The following TDP1 variants were observed in gnomAD, a reference collection of about 807,000 sequenced individuals.
TDP1 encodes tyr-DNA phosphodiesterase 1.
TDP1 carries 64 observed loss-of-function variants against 81.5 expected under a neutral mutation model. The ratio of observed to expected loss-of-function variants is 0.79; its 90% CI spans 0.64 to 0.97. The LOEUF is 0.97. Ranked by LOEUF, TDP1 falls within the 50% of genes least tolerant of loss-of-function variation. The pLI is 0.00. For synonymous variants in TDP1, 256 were observed against 264.3 expected (o/e 0.97, Z 0.30); for missense variants, 723 against 743.8 (o/e 0.97, Z 0.33).
intron 6 of TDP1, among the ~76,000 whole-genome samples, chr14:89,971,991 G>A (rs1036646240): frequency 1.3e-5 from 2 of 152,138 alleles, no homozygotes; most frequent in South Asian, 2.1e-4. Flanking sequence ...AACTATGTGA[G>A]TCGTATGCTG....
At chr14:89,976,230 C>T (rs902863099) in intron 7 of TDP1, among the ~76,000 whole-genome samples, 5 of 151,852 alleles carry the variant, frequency 3.3e-5, no homozygotes, top group Admixed American at 6.6e-5. Flanking sequence ...CTCAGCCTCC[C>T]GAGCAGCTGG....
intron 16 of TDP1, among the ~76,000 whole-genome samples, chr14:90,033,945 T>TAAC (rs578235991): frequency 6.6e-6 from 1 of 152,218 alleles, no homozygotes; most frequent in South Asian, 2.1e-4. Flanking sequence ...ATCATGCCTG[T>TAAC]AGTTCCAACT....
chr14:89,967,373 T>C lies in TDP1; in HGVS notation c.610T>C (p.Tyr204His), dbSNP rs757884742. The C allele has an allele frequency of 1.2e-6, 2 of 1,613,970 alleles. No homozygotes were observed. Among genetic ancestry groups the C allele is most frequent in the African/African-American group, 2.7e-5 (2 of 74,936 alleles). Residue 204 changes from tyrosine (Y) to histidine (H), a missense_variant, in exon 5 of 17, where the codon TAC becomes CAC. Transcript: ENST00000335725. ...GTLVSSAQFN[Y>H]CFDVDWLVKQ... Reference sequence around the variant, plus strand: ...CTTCTTTTCTCCCATCTAGTTTAACTACTGCTTTGACGTGGACTGGCTCGT... The same window carrying C: ...CTTCTTTTCTCCCATCTAGTTTAACCACTGCTTTGACGTGGACTGGCTCGT...
intron 14 of TDP1, among the ~76,000 whole-genome samples, chr14:90,006,659 C>T: frequency 6.6e-6 from 1 of 152,128 alleles, no homozygotes; most frequent in East Asian, 1.9e-4. Flanking sequence ...GCCTCAGCCT[C>T]CCAAGTAGCT....
chr14:90,039,818 T>C (rs1888184927), intron 16 of TDP1, among the ~76,000 whole-genome samples: 1 of 152,168 alleles, frequency 6.6e-6, no homozygotes, highest in African/African-American at 2.4e-5. Flanking sequence ...ATATGAGCAC[T>C]TGACATGAAT....
At chr14:90,032,636 A>G (rs1002793495) in intron 15 of TDP1, 1 of 662,154 alleles carries the variant, frequency 1.5e-6, no homozygotes, top group Non-Finnish European at 1.9e-6. Flanking sequence ...AAGAATTTTC[A>G]TTTTTATACT....
At chr14:90,004,711 C>T (rs918854226) in intron 14 of TDP1, among the ~76,000 whole-genome samples, 2 of 152,160 alleles carry the variant, frequency 1.3e-5, no homozygotes, top group Non-Finnish European at 2.9e-5. Context: ...TTGATGTAGA[C>T]CTATCGTCTC....
chr14:89,993,213 G>A (rs778466738), intron 13 of TDP1, 163 bp from the exon 14 acceptor site: 1 of 923,568 alleles, frequency 1.1e-6, no homozygotes, highest in Non-Finnish European at 1.3e-6. Context: ...AAATGGGCAT[G>A]CGTTACTTGA....
rs193000537 is a variant in TDP1, at chr14:89,972,133, C to G, written c.756+862C>G. 2.6e-3 allele frequency among the ~76,000 whole-genome samples: 398 copies of G among 152,274 alleles called. 2 individuals are homozygous for G. The highest frequency in any genetic ancestry group is 7.0e-3 in the South Asian group (34 of 4,824). ...GTTCTTGCACCGCTATGAAGACATACCTGAGACTGGGTAATTTATAAAGAA... is the reference window on the plus strand; with the variant it reads ...GTTCTTGCACCGCTATGAAGACATAGCTGAGACTGGGTAATTTATAAAGAA... On this transcript the variant is annotated intron_variant, in intron 6 of 16. Transcript: ENST00000335725.
chr14:89,988,588 A>G (rs878863626), intron 10 of TDP1: 3 of 981,318 alleles, frequency 3.1e-6, no homozygotes, highest in Non-Finnish European at 3.6e-6. Context: ...ATCTAATTTC[A>G]TATGACAAGT....
chr14:89,988,328 C>A (rs1306453957), intron 10 of TDP1, among the ~76,000 whole-genome samples: 3 of 152,272 alleles, frequency 2.0e-5, no homozygotes, highest in Non-Finnish European at 2.9e-5. Context: ...CCCCTCCTAT[C>A]CCTGGAGGAT....
At chr14:89,998,741 G>A (rs910094788) in intron 14 of TDP1, among the ~76,000 whole-genome samples, 4 of 151,864 alleles carry the variant, frequency 2.6e-5, no homozygotes, top group South Asian at 2.1e-4. Context: ...TGAGGGACGC[G>A]GGGTGGGGAG....
At chr14:89,965,262 T>C (rs1892801423) in intron 3 of TDP1, among the ~76,000 whole-genome samples, 1 of 147,278 alleles carries the variant, frequency 6.8e-6, no homozygotes, top group South Asian at 2.1e-4. Flanking sequence ...GCCAAATGAA[T>C]GAGCCAGTCT....
intron 16 of TDP1, chr14:90,033,539 G>A (rs1049194432): frequency 1.7e-5 from 6 of 359,066 alleles, no homozygotes; most frequent in Non-Finnish European, 3.3e-5. Context: ...GCTTAGTCTA[G>A]CCTACCCTAA....
upstream of TDP1, chr14:89,955,829 G>A (rs1279105084): frequency 6.6e-6 from 1 of 152,558 alleles, no homozygotes; most frequent in East Asian, 1.9e-4. Flanking sequence ...CGGGCTTTAG[G>A]ACCCAGCGGT....
intron 2 of TDP1, among the ~76,000 whole-genome samples, chr14:89,959,686 T>C (rs1010752262): frequency 3.3e-5 from 5 of 152,212 alleles, no homozygotes; most frequent in Admixed American, 6.5e-5. Context: ...TTATTTTTTA[T>C]CCTCTTGTCC....
In TDP1 at chr14:89,984,885, G is replaced by A. The variant is rs375368845; in HGVS notation, c.1052+202G>A. On this transcript the variant is annotated intron_variant, in intron 9 of 16. Coordinates refer to ENST00000335725, the MANE Select transcript of TDP1 (RefSeq NM_018319.4). ...AAAGTGACAGCCAGTGAATCCTCATGTTTACCTTAGCCTCCCACTGGGTTA... is the reference window on the plus strand; with the variant it reads ...AAAGTGACAGCCAGTGAATCCTCATATTTACCTTAGCCTCCCACTGGGTTA... The A allele has an allele frequency of 1.6e-4, 161 of 985,380 alleles. 1 individual carries two copies. The South Asian group carries it at 6.7e-3, about 41-fold the overall frequency. The allele number at this position is 985,380 out of a possible 1,614,324, so 61.0% of individuals were successfully genotyped here.
intron 15 of TDP1, among the ~76,000 whole-genome samples, chr14:90,029,794 C>T (rs546882026): frequency 3.9e-5 from 6 of 152,184 alleles, no homozygotes; most frequent in Admixed American, 2.0e-4. Flanking sequence ...CCATTGTGCC[C>T]GGCCTTGCCA....
At chr14:89,994,077 A>C (rs1188097591) in intron 14 of TDP1, among the ~76,000 whole-genome samples, 1 of 152,212 alleles carries the variant, frequency 6.6e-6, no homozygotes, top group African/African-American at 2.4e-5. Context: ...ATAAATTGCT[A>C]TGCCCTTTGA....
Sources: allele counts gnomAD v4.1 joint callset (sites outside exome capture counted in the v4.1 genomes callset), GRCh38; gene constraint gnomAD v4.1.1; transcripts MANE v1.5; gene names NCBI Gene and HGNC (gene_info 2026-07-23, HGNC 2026-07-21).